SLC9D1: variants seen among roughly 807,000 people sequenced by gnomAD.
SLC9D1 encodes solute carrier family 9 member D1, also known as putative LAG1-interacting protein.
the SLC9D1 span, chr13:113,534,549 G>A: frequency 5.3e-6 from 2 of 380,296 alleles, no homozygotes; most frequent in East Asian, 8.5e-5. Flanking sequence ...AGCATGTGGG[G>A]AAGCTGAGGC....
At chr13:113,505,606 C>T in the SLC9D1 span, 2 of 152,200 alleles carry the variant, frequency 1.3e-5, no homozygotes, top group Admixed American at 1.3e-4. Context: ...GTAAAAGAAG[C>T]ACCAATACAT....
At chr13:113,491,299 G>A in the SLC9D1 span, 29,363 of 152,658 alleles carry the variant, frequency 0.19, 3,856 homozygotes, top group African/African-American at 0.38. Flanking sequence ...GTCCATCCGG[G>A]GCTCTTTCCC....
the SLC9D1 span, among the ~76,000 whole-genome samples, chr13:113,533,069 G>A: frequency 4.0e-5 from 2 of 49,398 alleles, no homozygotes; most frequent in Non-Finnish European, 7.4e-5. Flanking sequence ...AGTCGCAGAC[G>A]TGGGCCCTGC....
At chr13:113,524,405 C>T in the SLC9D1 span, among the ~76,000 whole-genome samples, 3 of 152,144 alleles carry the variant, frequency 2.0e-5, no homozygotes, top group African/African-American at 4.8e-5. Flanking sequence ...AATGCAGTGG[C>T]GTGATCTCGG....
the SLC9D1 span, chr13:113,499,940 ATAT>A: frequency 9.4e-6 from 13 of 1,386,358 alleles, no homozygotes; most frequent in African/African-American, 1.5e-5. Flanking sequence ...TAATTGCATA[ATAT>A]TATTATTCTT....
At chr13:113,519,006 T>C in the SLC9D1 span, among the ~76,000 whole-genome samples, 1 of 152,100 alleles carries the variant, frequency 6.6e-6, no homozygotes, top group Admixed American at 6.6e-5. Flanking sequence ...AAGCCTTTTC[T>C]ATCAGATTGG....
At chr13:113,522,531 G>A in the SLC9D1 span, among the ~76,000 whole-genome samples, 28,314 of 152,016 alleles carry the variant, frequency 0.19, 3,511 homozygotes, top group African/African-American at 0.35. Flanking sequence ...TAGTAGAGAC[G>A]GGGTTCCACT....
the SLC9D1 span, among the ~76,000 whole-genome samples, chr13:113,512,462 G>A: frequency 2.7e-5 from 4 of 150,774 alleles, no homozygotes; most frequent in African/African-American, 7.3e-5. Flanking sequence ...CTCAGTGGCC[G>A]GAGTGTAGAT....
the SLC9D1 span, chr13:113,539,235 CTGTT>C: frequency 1.4e-5 from 13 of 918,688 alleles, no homozygotes; most frequent in African/African-American, 8.2e-5. This position sits in a 1 kb window ranked among gnomAD's most constrained non-coding sequence, Gnocchi z 4.8. Context: ...CACACACGCT[CTGTT>C]TGTGCAGCTT....
At chr13:113,502,102 T>C in the SLC9D1 span, among the ~76,000 whole-genome samples, 1 of 152,318 alleles carries the variant, frequency 6.6e-6, no homozygotes, top group African/African-American at 2.4e-5. Context: ...CCCCTGCTCG[T>C]TTCCATTAGT....
the SLC9D1 span, among the ~76,000 whole-genome samples, chr13:113,540,717 G>A: frequency 6.6e-6 from 1 of 152,244 alleles, no homozygotes; most frequent in South Asian, 2.1e-4. Context: ...TTGCTGGGCG[G>A]AAGCTCCTTG....
the SLC9D1 span, among the ~76,000 whole-genome samples, chr13:113,541,449 A>C: frequency 7.6e-6 from 1 of 132,364 alleles, no homozygotes; most frequent in Non-Finnish European, 1.6e-5. Flanking sequence ...TATGTGGATG[A>C]TACGCACACG....
At chr13:113,520,880 C>T in the SLC9D1 span, 2 of 640,408 alleles carry the variant, frequency 3.1e-6, no homozygotes, top group Non-Finnish European at 5.5e-6. Context: ...CTGCCTTGCT[C>T]ACGCCCTGGC....
At chr13:113,503,534 G>A in the SLC9D1 span, 8 of 1,613,814 alleles carry the variant, frequency 5.0e-6, no homozygotes, top group Admixed American at 5.0e-5. Flanking sequence ...AATTTGGGGT[G>A]TTTTTTACTC....
the SLC9D1 span, among the ~76,000 whole-genome samples, chr13:113,509,277 T>C: frequency 2.8e-5 from 4 of 141,878 alleles, no homozygotes; most frequent in Admixed American, 7.0e-5. Context: ...ACTGGTGGGC[T>C]TGGTGGGTGG....
chr13:113,494,232 G>A, the SLC9D1 span, among the ~76,000 whole-genome samples: 1 of 152,168 alleles, frequency 6.6e-6, no homozygotes, highest in African/African-American at 2.4e-5. Flanking sequence ...CTGCGTAAGT[G>A]GTAGGTGTTG....
chr13:113,527,078 T>C, the SLC9D1 span, among the ~76,000 whole-genome samples: 1 of 152,352 alleles, frequency 6.6e-6, no homozygotes, highest in South Asian at 2.1e-4. Context: ...AATTGCCTTA[T>C]GATGCTTCTC....
the SLC9D1 span, among the ~76,000 whole-genome samples, chr13:113,544,841 C>T: frequency 7.2e-5 from 11 of 152,252 alleles, no homozygotes; most frequent in African/African-American, 2.4e-4. Context: ...GGAGCCTGAA[C>T]GTAGGAGTTC....
the SLC9D1 span, chr13:113,520,511 C>A: frequency 1.4e-6 from 1 of 732,056 alleles, no homozygotes; most frequent in South Asian, 2.4e-5. Flanking sequence ...AAGTAAAGTG[C>A]CAAAATAATT....
Sources: gnomAD v4.1 joint callset for allele counts (sites outside exome capture counted in the v4.1 genomes callset) on GRCh38, gnomAD v4.1.1 for gene constraint, Gnocchi (gnomAD v3.1) non-coding constraint, MANE v1.5 for transcripts, NCBI Gene and HGNC (gene_info 2026-07-23, HGNC 2026-07-21) for gene names.